Variants in VIPR2 observed in about 807,000 individuals in gnomAD.
VIPR2 encodes vasoactive intestinal peptide receptor 2.
Under a neutral mutation model 58.0 loss-of-function variants are expected in VIPR2, and 48 were observed. The ratio of observed to expected loss-of-function variants is 0.83; its 90% CI spans 0.66 to 1.05. VIPR2 has a LOEUF of 1.05. VIPR2 is among the 50% of genes least tolerant of loss of function. VIPR2 has a pLI of 0.00. For synonymous variants in VIPR2, 243 were observed against 235.2 expected, an observed-to-expected ratio of 1.03 and a Z score of -0.30; for missense variants, 534 against 558.0, an observed-to-expected ratio of 0.96 and a Z score of 0.43.
chr7:159,071,180 T>G (rs1227060048), intron 4 of VIPR2, among the ~76,000 whole-genome samples: 3 of 152,210 alleles, frequency 2.0e-5, no homozygotes, highest in Non-Finnish European at 4.4e-5. Flanking sequence ...AACATGGTCA[T>G]GAGGAACTGT....
intron 6 of VIPR2, among the ~76,000 whole-genome samples, chr7:159,042,404 T>G (rs1854407578): frequency 6.6e-6 from 1 of 152,150 alleles, no homozygotes; most frequent in Non-Finnish European, 1.5e-5. Flanking sequence ...TATGTTAAAC[T>G]GACTTGATTA....
intron 2 of VIPR2, chr7:159,117,004 C>G (rs577673302): frequency 3.1e-6 from 1 of 319,496 alleles, no homozygotes; most frequent in Non-Finnish European, 5.8e-6. Flanking sequence ...GAGACTCTTA[C>G]GACATGCTCC....
chr7:159,134,645 T>C (rs1797119810), intron 2 of VIPR2, among the ~76,000 whole-genome samples: 1 of 152,014 alleles, frequency 6.6e-6, no homozygotes, highest in African/African-American at 2.4e-5. Context: ...TTTCTATTAA[T>C]AGTGCAATAT....
intron 12 of VIPR2, 116 bp from the exon 13 acceptor site, chr7:159,030,905 T>C (rs1039433534): frequency 7.6e-6 from 10 of 1,312,792 alleles, no homozygotes; most frequent in South Asian, 1.6e-5. Context: ...CGTATCTGTG[T>C]TGCCAGCAGA....
At chr7:159,065,315 A>T (rs1352088912) in intron 4 of VIPR2, among the ~76,000 whole-genome samples, 2 of 152,080 alleles carry the variant, frequency 1.3e-5, no homozygotes, top group African/African-American at 2.4e-5. Flanking sequence ...CTACAGGAGG[A>T]GCCCGCAGGA....
At chr7:159,052,305 T>G (rs1378288845) in intron 5 of VIPR2, among the ~76,000 whole-genome samples, 1 of 152,188 alleles carries the variant, frequency 6.6e-6, no homozygotes, top group East Asian at 1.9e-4. Context: ...TTGAAAATAT[T>G]GATGAAATGG....
chr7:159,043,322 G>T, intron 5 of VIPR2, 146 bp from the exon 6 acceptor site: 1 of 668,476 alleles, frequency 1.5e-6, no homozygotes, highest in Non-Finnish European at 2.2e-6. Context: ...ATTTCACCAT[G>T]AATGGCAACT....
Position 159,098,469 on chromosome 7 carries a change from A to C in VIPR2, c.357+5288T>G, listed in dbSNP as rs894304580. On this transcript the variant is annotated intron_variant, in intron 4 of 12. Coordinates refer to ENST00000262178, the MANE Select transcript of VIPR2 (RefSeq NM_003382.5). The surrounding 1 kb of genome is among the most constrained non-coding windows in gnomAD (Gnocchi z 5.2). ...TGGCAGGAAGAGGACACAGACGGGA[A>C]GACCTTGGACAGGGAGACTGATCCC... Among the ~76,000 whole-genome samples, 2 of 152,206 alleles carry C rather than the reference A, an allele frequency of 1.3e-5. No individual in the cohort carries two copies. The highest frequency in any genetic ancestry group is 2.9e-5 in the Non-Finnish European group (2 of 68,026).
chr7:159,077,604 G>C (rs1403648645), intron 4 of VIPR2, among the ~76,000 whole-genome samples: 1 of 151,264 alleles, frequency 6.6e-6, no homozygotes, highest in African/African-American at 2.4e-5. Flanking sequence ...CAGTGTACCT[G>C]TTATCAGATT....
At chr7:159,088,277 G>A (rs866063912) in intron 4 of VIPR2, among the ~76,000 whole-genome samples, 9 of 151,788 alleles carry the variant, frequency 5.9e-5, no homozygotes, top group East Asian at 1.9e-4. Context: ...ACGCACCTGC[G>A]ACAGTACACC....
intron 4 of VIPR2, among the ~76,000 whole-genome samples, chr7:159,077,787 T>C (rs1330654470): frequency 6.6e-6 from 1 of 152,182 alleles, no homozygotes; most frequent in Non-Finnish European, 1.5e-5. Context: ...TTCAATGTCT[T>C]TGAGGTACTA....
At chr7:159,100,465 A>T in intron 4 of VIPR2, among the ~76,000 whole-genome samples, 1 of 151,848 alleles carries the variant, frequency 6.6e-6, no homozygotes, top group East Asian at 1.9e-4. Context: ...GTGGGCTCAC[A>T]GTAACACCTG....
At chr7:159,073,116 A>G (rs1302352606) in intron 4 of VIPR2, among the ~76,000 whole-genome samples, 2 of 152,250 alleles carry the variant, frequency 1.3e-5, no homozygotes, top group Non-Finnish European at 2.9e-5. Context: ...GTAACAAATA[A>G]AGAAAAAGCA....
At position 159,031,382 on chromosome 7, in the gene VIPR2, C is replaced by T. The variant is rs891881986; in HGVS notation, c.1143+446G>A. ...TTGGAGCAGCCCGGAGACAGCCTCC[C>T]TGGCTGGGAATGAACGCAGGGCAGA... On this transcript the variant is annotated intron_variant, in intron 12 of 12. Transcript: ENST00000262178. The surrounding 1 kb of genome is among the most constrained non-coding windows in gnomAD (Gnocchi z 4.0). The T allele has an allele frequency of 3.1e-6, 3 of 969,544 alleles. No homozygotes were observed. Among genetic ancestry groups the T allele is most frequent in the African/African-American group, 1.8e-5 (1 of 56,920 alleles). 60.1% of individuals were successfully genotyped at this position (969,544 alleles called of 1,614,324 possible).
At position 159,030,366 on chromosome 7, in the gene VIPR2, T is replaced by C; in HGVS notation, c.*250A>G. On this transcript the variant is annotated 3_prime_UTR_variant, in exon 13 of 13. Coordinates refer to ENST00000262178, the MANE Select transcript of VIPR2 (RefSeq NM_003382.5). ...TCAAAAAAAAAAAAAAAAAAAAAAG[T>C]GGATCCACTATACGGCTGAAACACA... 1 of 360,478 alleles carries C rather than the reference T, an allele frequency of 2.8e-6. No individual in the cohort carries two copies. The highest frequency in any genetic ancestry group is 3.9e-5 in the East Asian group (1 of 25,478). 22.3% of individuals were successfully genotyped at this position (360,478 alleles called of 1,614,324 possible).
At chr7:159,034,059 T>C (rs548845782) in intron 10 of VIPR2, among the ~76,000 whole-genome samples, 154 bp downstream of exon 10, 7 of 152,304 alleles carry the variant, frequency 4.6e-5, no homozygotes, top group South Asian at 2.1e-4. Context: ...TCTCTGAGCC[T>C]TGGGCAGGAG....
chr7:159,117,029 A>G (rs1256120203), intron 2 of VIPR2: 2 of 384,746 alleles, frequency 5.2e-6, no homozygotes, highest in East Asian at 9.0e-5. Context: ...TATCTAGGAA[A>G]TGACTTTTAC....
chr7:159,117,575 GCT>G (rs1182371144), intron 2 of VIPR2, among the ~76,000 whole-genome samples: 7 of 152,214 alleles, frequency 4.6e-5, no homozygotes, highest in African/African-American at 1.7e-4. Flanking sequence ...CGCAGCTCAT[GCT>G]CTCTTTGGAC....
chr7:159,141,309 G>A (rs572306736), intron 2 of VIPR2, among the ~76,000 whole-genome samples: 4 of 152,376 alleles, frequency 2.6e-5, no homozygotes, highest in East Asian at 3.9e-4. Flanking sequence ...AGAACCATGC[G>A]TGCACCGCGG....
Sources: gnomAD v4.1 joint callset for allele counts (sites outside exome capture counted in the v4.1 genomes callset) on GRCh38, gnomAD v4.1.1 for gene constraint, Gnocchi (gnomAD v3.1) non-coding constraint, MANE v1.5 for transcripts, NCBI Gene and HGNC (gene_info 2026-07-23, HGNC 2026-07-21) for gene names.